The following DENND6B variants were observed in gnomAD, a reference collection of about 807,000 sequenced individuals.
DENND6B encodes protein DENND6B.
In DENND6B, 73 loss-of-function variants were observed where a neutral mutation model predicts 85.1. The observed-to-expected ratio is 0.86, with a 90% CI of 0.71 to 1.04. The LOEUF (loss-of-function observed/expected upper bound fraction) is 1.04, where lower values mean the gene tolerates loss of function less well. Ranked by LOEUF, DENND6B falls within the 50% of genes least tolerant of loss-of-function variation. The pLI is 0.00. For synonymous variants in DENND6B, 357 were observed against 329.3 expected (o/e 1.08, Z -0.91); for missense variants, 715 against 785.8 (o/e 0.91, Z 1.08).
chr22:50,318,490 T>G (rs1021823382), intron 3 of DENND6B, among the ~76,000 whole-genome samples: 21 of 152,224 alleles, frequency 1.4e-4, no homozygotes, highest in African/African-American at 4.3e-4. Context: ...GGAGATTGGC[T>G]TGACCTGCTT....
intron 1 of DENND6B, 179 bp from the exon 2 acceptor site, chr22:50,319,182 C>G: frequency 1.3e-6 from 2 of 1,515,436 alleles, no homozygotes; most frequent in Non-Finnish European, 1.8e-6. Context: ...GCTGCATCCT[C>G]CCCACACCAT....
intron 7 of DENND6B, 36 bp downstream of exon 7, chr22:50,316,138 C>T: frequency 2.5e-6 from 4 of 1,612,626 alleles, no homozygotes; most frequent in Non-Finnish European, 3.4e-6. Flanking sequence ...TCCCCACACA[C>T]CTGCAGAGCC....
chr22:50,315,114 G>T, intron 9 of DENND6B, 193 bp from the exon 10 acceptor site: 1 of 821,912 alleles, frequency 1.2e-6, no homozygotes, highest in Non-Finnish European at 1.8e-6. Flanking sequence ...CAATCCACCT[G>T]TGCTGGGCCT....
chr22:50,313,512 G>A lies in DENND6B; in HGVS notation c.1294-13C>T, dbSNP rs1174504836. On this transcript the variant is annotated splice_polypyrimidine_tract_variant and intron_variant, in intron 15 of 19. Transcript: ENST00000413817. The stretch of plus-strand genomic sequence containing the variant: ...CCATGTAGTGCTCCTGGGTGGGGAA[G>A]GGAGGGGAGTGAGCCCGGGGACCCA... The A allele has an allele frequency of 1.3e-6, 2 of 1,544,894 alleles. No individual in the cohort carries two copies. The highest frequency in any genetic ancestry group is 1.7e-6 in the Non-Finnish European group (2 of 1,144,004).
chr22:50,318,087 T>C, intron 3 of DENND6B, 67 bp from the exon 4 acceptor site: 1 of 1,538,176 alleles, frequency 6.5e-7, no homozygotes, highest in Non-Finnish European at 8.9e-7. Flanking sequence ...CTGGAGCTGG[T>C]GACCGGGGAG....
At chr22:50,325,075 C>G (rs1601840880) in intron 1 of DENND6B, among the ~76,000 whole-genome samples, 2 of 152,292 alleles carry the variant, frequency 1.3e-5, no homozygotes, top group Middle Eastern at 6.8e-3. Flanking sequence ...GTCATGTGCT[C>G]AGGCCCCGGT....
intron 1 of DENND6B, among the ~76,000 whole-genome samples, chr22:50,325,647 ACTT>A (rs1216682632): frequency 6.6e-6 from 1 of 152,098 alleles, no homozygotes; most frequent in East Asian, 1.9e-4. Context: ...GAACCTCTTA[ACTT>A]CTTTTGTGAT....
intron 1 of DENND6B, among the ~76,000 whole-genome samples, chr22:50,324,900 A>C (rs1048629880): frequency 6.6e-6 from 1 of 152,142 alleles, no homozygotes; most frequent in African/African-American, 2.4e-5. Flanking sequence ...TCCCAACTAG[A>C]GTCTTCCTTC....
chr22:50,317,157 A>G, intron 5 of DENND6B, 136 bp downstream of exon 5: 1 of 834,492 alleles, frequency 1.2e-6, no homozygotes, highest in Non-Finnish European at 1.8e-6. Flanking sequence ...GGAGAGCTGG[A>G]CACAGCCCAG....
chr22:50,313,555 C>CGGG, intron 15 of DENND6B, 56 bp from the exon 16 acceptor site: 1 of 1,308,706 alleles, frequency 7.6e-7, no homozygotes, highest in Non-Finnish European at 1.0e-6. Context: ...CAGCCCCATC[C>CGGG]CCCGCAGCCC....
At chr22:50,316,829 A>C in intron 5 of DENND6B, 1 of 1,103,984 alleles carries the variant, frequency 9.1e-7, no homozygotes. Context: ...TGACAGTGTG[A>C]TGACCCTCCA....
chr22:50,324,919 A>C (rs2042150793), intron 1 of DENND6B, among the ~76,000 whole-genome samples: 1 of 152,188 alleles, frequency 6.6e-6, no homozygotes, highest in Non-Finnish European at 1.5e-5. Flanking sequence ...TCCATATCGC[A>C]GAACCAAGCA....
Position 50,309,169 on chromosome 22 carries a change from C to T in DENND6B, c.*2970G>A, listed in dbSNP as rs35662666. The T allele has an allele frequency of 0.16, 23,759 of 152,250 alleles. 2,308 individuals carry two copies. Among genetic ancestry groups the T allele is most frequent in the Admixed American group, 0.25 (3,886 of 15,278 alleles). The allele number at this position is 152,250 out of a possible 1,614,324, so 9.4% of individuals were successfully genotyped here. A position where few individuals can be genotyped will look rare whatever the true frequency, so the allele number is the denominator to read the frequency against. On this transcript the variant is annotated 3_prime_UTR_variant, in exon 20 of 20. Transcript: ENST00000413817. ...TGTCCCTGAGCAGGCCCCCTGTGTG[C>T]ACCCTCAGCCCCGAGCCCCACTCCA...
intron 1 of DENND6B, among the ~76,000 whole-genome samples, chr22:50,323,714 G>A (rs938885376): frequency 7.5e-5 from 10 of 133,414 alleles, no homozygotes; most frequent in South Asian, 2.5e-4. Flanking sequence ...CAGCCAGCAC[G>A]CCTAGCCTTT....
intron 5 of DENND6B, chr22:50,316,829 ATG>A: frequency 9.1e-7 from 1 of 1,103,984 alleles, no homozygotes; most frequent in Non-Finnish European, 1.2e-6. Context: ...TGACAGTGTG[ATG>A]ACCCTCCAGC....
intron 1 of DENND6B, among the ~76,000 whole-genome samples, chr22:50,319,635 C>T (rs978123170): frequency 8.5e-5 from 13 of 152,180 alleles, no homozygotes; most frequent in East Asian, 3.8e-4. Context: ...CACGGGGCCC[C>T]GCCTGGCTGG....
At chr22:50,317,806 A>T in intron 4 of DENND6B, 102 bp downstream of exon 4, 1 of 1,207,472 alleles carries the variant, frequency 8.3e-7, no homozygotes, top group Non-Finnish European at 1.1e-6. Flanking sequence ...CCTGCCACAC[A>T]GGGCCCAGGC....
At chr22:50,322,411 A>T (rs565487058) in intron 1 of DENND6B, among the ~76,000 whole-genome samples, 1 of 152,140 alleles carries the variant, frequency 6.6e-6, no homozygotes, top group South Asian at 2.1e-4. Flanking sequence ...CTAAGACTGC[A>T]GAGTATGGGC....
At position 50,311,879 on chromosome 22, in the gene DENND6B, C is replaced by G. The variant is rs1181064242; in HGVS notation, c.*260G>C. 3.6e-6 allele frequency: 2 copies of G among 552,216 alleles called. No individual in the cohort carries two copies. The highest frequency in any genetic ancestry group is 6.2e-6 in the Non-Finnish European group (2 of 321,242). The allele number at this position is 552,216 out of a possible 1,614,324, so 34.2% of individuals were successfully genotyped here. A position where few individuals can be genotyped will look rare whatever the true frequency, so the allele number is the denominator to read the frequency against. Reference sequence around the variant, plus strand: ...TCCCAGCCTGTCCCCGCCCCCGTCCCAGCCTAAGGTCTGCAGAGGCCAGGT... The same window carrying G: ...TCCCAGCCTGTCCCCGCCCCCGTCCGAGCCTAAGGTCTGCAGAGGCCAGGT... On this transcript the variant is annotated 3_prime_UTR_variant, in exon 20 of 20. Coordinates refer to ENST00000413817, the MANE Select transcript of DENND6B (RefSeq NM_001001794.4).
Sources: allele counts gnomAD v4.1 joint callset (sites outside exome capture counted in the v4.1 genomes callset), GRCh38; gene constraint gnomAD v4.1.1; transcripts MANE v1.5; gene names NCBI Gene and HGNC (gene_info 2026-07-23, HGNC 2026-07-21).